The following CACNB2 variants were observed in gnomAD, a reference collection of about 807,000 sequenced individuals.
The protein encoded by CACNB2 is voltage-dependent L-type calcium channel subunit beta-2.
A neutral mutation model predicts 73.3 loss-of-function variants in CACNB2; 42 were observed. That is an observed-to-expected ratio of 0.57 (90% CI 0.45 to 0.74). CACNB2 has a LOEUF of 0.74. Ranked by LOEUF, CACNB2 falls within the 30% of genes least tolerant of loss-of-function variation. The probability of loss-of-function intolerance (pLI) is 0.00; values close to 1 mark genes in which losing one functional copy is unlikely to be tolerated. For missense variants in CACNB2, 940 were observed against 853.0 expected (o/e 1.10, Z -1.27); for synonymous variants, 348 against 310.3 (o/e 1.12, Z -1.28).
rs766411676 is a variant in CACNB2, at chr10:18,148,724, GT to G, written c.121-2158del. On this transcript the variant is annotated intron_variant, in intron 1 of 13. Coordinates refer to ENST00000324631, the MANE Select transcript of CACNB2 (RefSeq NM_201596.3). ...AAAACGGTACTGGAGGCTGGACATGGTAGCTCACTCCTGTAGTCCCACCACT... is the reference window on the plus strand; with the variant it reads ...AAAACGGTACTGGAGGCTGGACATGGAGCTCACTCCTGTAGTCCCACCACT... Among the ~76,000 whole-genome samples the G allele has an allele frequency of 3.3e-5, 5 of 152,162 alleles. 1 individual carries two copies. Among genetic ancestry groups the G allele is most frequent in the African/African-American group, 7.2e-5 (3 of 41,428 alleles).
chr10:18,372,247 C>T (rs1256977852), intron 2 of CACNB2, among the ~76,000 whole-genome samples: 2 of 152,076 alleles, frequency 1.3e-5, no homozygotes, highest in Non-Finnish European at 2.9e-5. Flanking sequence ...GTTGCCATTG[C>T]TTTTGGTGTT....
intron 2 of CACNB2, among the ~76,000 whole-genome samples, chr10:18,364,822 G>A (rs1327201406): frequency 6.6e-6 from 1 of 152,080 alleles, no homozygotes; most frequent in African/African-American, 2.4e-5. Flanking sequence ...TTTTCCATGC[G>A]ATATTTCTTC....
chr10:18,151,871 G>A (rs928365370), intron 2 of CACNB2, among the ~76,000 whole-genome samples: 1 of 152,164 alleles, frequency 6.6e-6, no homozygotes, highest in Non-Finnish European at 1.5e-5. Flanking sequence ...AACTGGAAAA[G>A]CTGCCTCGTG....
At chr10:18,534,935 A>AAC (rs748877278) in intron 11 of CACNB2, among the ~76,000 whole-genome samples, 3 of 152,208 alleles carry the variant, frequency 2.0e-5, no homozygotes, top group Admixed American at 6.5e-5. Flanking sequence ...CTTAAAGGAG[A>AAC]ACAGCATGTG....
intron 5 of CACNB2, among the ~76,000 whole-genome samples, chr10:18,503,585 G>GA (rs1161894313): frequency 1.3e-5 from 2 of 152,172 alleles, no homozygotes; most frequent in Non-Finnish European, 2.9e-5. Context: ...AACTCTGTCT[G>GA]AAAAAACAAA....
intron 3 of CACNB2, among the ~76,000 whole-genome samples, chr10:18,407,109 C>CTTTTTTGTTTTTT (rs2044333624): frequency 2.8e-5 from 1 of 35,572 alleles, no homozygotes; most frequent in Non-Finnish European, 5.2e-5. Context: ...GCTGTTCTGT[C>CTTTTTTGTTTTTT]TTTTTTTTTT....
At chr10:18,279,818 G>A (rs2038463471) in intron 2 of CACNB2, among the ~76,000 whole-genome samples, 1 of 152,200 alleles carries the variant, frequency 6.6e-6, no homozygotes, top group Non-Finnish European at 1.5e-5. Flanking sequence ...AGTGGCTCAT[G>A]CCTGTAATCC....
At chr10:18,304,772 C>G (rs781683658) in intron 2 of CACNB2, among the ~76,000 whole-genome samples, 2 of 152,166 alleles carry the variant, frequency 1.3e-5, no homozygotes, top group Non-Finnish European at 2.9e-5. Context: ...TTAAAACTTA[C>G]GGTTTGTGGG....
chr10:18,305,830 T>C (rs2131855731), intron 2 of CACNB2, among the ~76,000 whole-genome samples: 1 of 152,174 alleles, frequency 6.6e-6, no homozygotes, highest in Non-Finnish European at 1.5e-5. Flanking sequence ...TCTCACGTGT[T>C]AAGAGGCTGC....
rs186947570 is a variant in CACNB2, at chr10:18,484,262, C to T, written c.334-14093C>T. On this transcript the variant is annotated intron_variant, in intron 3 of 13. Coordinates refer to ENST00000324631, the MANE Select transcript of CACNB2 (RefSeq NM_201596.3). Reference sequence around the variant, plus strand: ...TACAAAAATTAGCCGGGCGTGGTGGCGGGCGCCTATAATCCCAGCTACTTG... The same window carrying T: ...TACAAAAATTAGCCGGGCGTGGTGGTGGGCGCCTATAATCCCAGCTACTTG... Among the ~76,000 whole-genome samples, 16 of 152,004 alleles carry T rather than the reference C, an allele frequency of 1.1e-4. No homozygotes were observed. In the East Asian group the frequency reaches 2.3e-3, roughly 22 times the overall value.
chr10:18,247,080 T>C (rs1003020786), intron 2 of CACNB2, among the ~76,000 whole-genome samples: 2 of 152,166 alleles, frequency 1.3e-5, no homozygotes, highest in African/African-American at 4.8e-5. Flanking sequence ...ACCCAGAGAC[T>C]GCCACCCTAC....
intron 9 of CACNB2, 85 bp from the exon 10 acceptor site, chr10:18,527,503 C>A: frequency 1.2e-6 from 1 of 821,804 alleles, no homozygotes; most frequent in Non-Finnish European, 2.2e-6. Flanking sequence ...ATATTTCATA[C>A]TTAGATGAAT....
At chr10:18,481,231 T>TATATATATATATTTA (rs1467945071) in intron 3 of CACNB2, among the ~76,000 whole-genome samples, 1 of 12,534 alleles carries the variant, frequency 8.0e-5, no homozygotes, top group Non-Finnish European at 1.3e-4. Context: ...TATATATATA[T>TATATATATATATTTA]TTTTTTTTTT....
intron 2 of CACNB2, among the ~76,000 whole-genome samples, chr10:18,244,479 C>G (rs1289452188): frequency 6.6e-6 from 1 of 152,208 alleles, no homozygotes; most frequent in Non-Finnish European, 1.5e-5. Flanking sequence ...TGCACATATT[C>G]AGGTGAAGCA....
intron 2 of CACNB2, among the ~76,000 whole-genome samples, chr10:18,219,700 C>T (rs1242078334): frequency 2.0e-5 from 3 of 151,932 alleles, no homozygotes; most frequent in African/African-American, 7.2e-5. Flanking sequence ...TTATAATTCC[C>T]TCAACTTCAA....
At chr10:18,307,983 C>CTTATTTTTTTTTTTTTTTT (rs2039803586) in intron 2 of CACNB2, among the ~76,000 whole-genome samples, 1 of 70,268 alleles carries the variant, frequency 1.4e-5, no homozygotes, top group Non-Finnish European at 2.7e-5. Flanking sequence ...TATATGCCAA[C>CTTATTTTTTTTTTTTTTTT]TTTTTTTTTT....
At chr10:18,322,748 G>A (rs41383652) in intron 2 of CACNB2, among the ~76,000 whole-genome samples, 51,263 of 151,802 alleles carry the variant, frequency 0.34, 9,118 homozygotes, top group African/African-American at 0.41. Context: ...TTATTTTTGC[G>A]TTAGAGACCA....
At chr10:18,525,029 T>TA (rs35445837) in intron 9 of CACNB2, among the ~76,000 whole-genome samples, 21,856 of 108,028 alleles carry the variant, frequency 0.2, 2,399 homozygotes, top group Admixed American at 0.29. Flanking sequence ...AGATGCTGTC[T>TA]AAAAAAAAAA....
chr10:18,429,915 GCTGC>G (rs1417798652), intron 3 of CACNB2, among the ~76,000 whole-genome samples: 6 of 151,888 alleles, frequency 4.0e-5, no homozygotes, highest in African/African-American at 7.3e-5. Context: ...GGAGTTCAAG[GCTGC>G]AATGAGCTGT....
Sources: allele counts gnomAD v4.1 joint callset (sites outside exome capture counted in the v4.1 genomes callset), GRCh38; gene constraint gnomAD v4.1.1; transcripts MANE v1.5; gene names NCBI Gene and HGNC (gene_info 2026-07-23, HGNC 2026-07-21).